Variants in CTSZ observed in about 807,000 individuals in gnomAD.
The protein encoded by CTSZ is carboxypeptidase LB.
A neutral mutation model predicts 32.4 loss-of-function variants in CTSZ; 39 were observed. The ratio of observed to expected loss-of-function variants is 1.20; its 90% CI spans 0.93 to 1.57. The LOEUF (loss-of-function observed/expected upper bound fraction) is 1.57, where lower values mean the gene tolerates loss of function less well. Among genes scored for constraint, CTSZ ranks in the 40% most tolerant of loss-of-function variants. The pLI is 0.00. For synonymous variants in CTSZ, 168 were observed against 170.1 expected (o/e 0.99, Z 0.10); for missense variants, 397 against 419.6 (o/e 0.95, Z 0.47).
At chr20:58,999,862 G>A (rs1419084363) in intron 3 of CTSZ, among the ~76,000 whole-genome samples, 3 of 152,118 alleles carry the variant, frequency 2.0e-5, no homozygotes, top group East Asian at 3.9e-4. Flanking sequence ...GAGGTCAGGA[G>A]ATCAAGACCA....
Position 58,997,808 on chromosome 20 carries a change from CAAAG to C in CTSZ, c.488-59_488-56del, listed in dbSNP as rs1040112511. ...GGCCGTCTCCTCATCAACCCACTGA[CAAAG>C]AAGCCCGCCAAGCCCACTCTCCACT... On this transcript the variant is annotated intron_variant, in intron 3 of 5. Coordinates refer to ENST00000217131, the MANE Select transcript of CTSZ (RefSeq NM_001336.4). The C allele has an allele frequency of 1.1e-4, 168 of 1,494,306 alleles. No homozygotes were observed. In the African/African-American group the frequency reaches 1.2e-3, roughly 11 times the overall value. 92.6% of individuals were successfully genotyped at this position (1,494,306 alleles called of 1,614,324 possible).
rs145264817 is a variant in CTSZ at position 58,997,584 on chromosome 20, C to A, written c.638+19G>T. 16 of 1,529,276 alleles carry A rather than the reference C, an allele frequency of 1.0e-5. No individual in the cohort carries two copies. Among genetic ancestry groups the A allele is most frequent in the Non-Finnish European group, 1.4e-5 (16 of 1,133,348 alleles). The allele number at this position is 1,529,276 out of a possible 1,614,324, so 94.7% of individuals were successfully genotyped here. On this transcript the variant is annotated intron_variant, in intron 4 of 5. Transcript: ENST00000217131. ...TCCTCACCCGCAAACCTCTCTTTGC[C>A]CGCGGGACCTCTCCTCACCTGATGG... is the stretch of plus-strand genomic sequence containing the variant.
At chr20:59,006,935 C>T (rs1051635744) in intron 1 of CTSZ, 51 bp downstream of exon 1, 39 of 1,347,556 alleles carry the variant, frequency 2.9e-5, no homozygotes, top group African/African-American at 3.1e-5. Context: ...GCGCCTGGCC[C>T]GGGCGATGGG....
intron 4 of CTSZ, among the ~76,000 whole-genome samples, chr20:58,997,161 CAAAA>C (rs10582096): frequency 1.0e-3 from 105 of 105,400 alleles, no homozygotes; most frequent in Middle Eastern, 5.5e-3. Flanking sequence ...GACTGTGTTT[CAAAA>C]AAAAAAAAAA....
At position 59,006,474 on chromosome 20, in the gene CTSZ, CG is replaced by C. The variant is rs774331858; in HGVS notation, c.154del (p.Arg52GlyfsTer151). On this transcript the variant is annotated frameshift_variant, in exon 2 of 6. Transcript: ENST00000217131. LOFTEE classifies it high-confidence loss of function. Reference protein sequence around the residue: ...LAPLGRSTYPRPHEYLSPADL... With the variant: ...LAPLGRSTYPXPHEYLSPADL... Reference sequence around the variant, plus strand: ...CGCTGGGGACAGGTACTCATGAGGCCGGGGGTATGTGCTGAGAAGAGATCAT... The same window carrying C: ...CGCTGGGGACAGGTACTCATGAGGCCGGGGTATGTGCTGAGAAGAGATCAT... The C allele has an allele frequency of 1.9e-5, 30 of 1,612,670 alleles. No individual in the cohort carries two copies. In the South Asian group the frequency reaches 2.9e-4, roughly 15 times the overall value.
At chr20:59,005,726 G>T (rs2091906302) in intron 2 of CTSZ, among the ~76,000 whole-genome samples, 1 of 152,166 alleles carries the variant, frequency 6.6e-6, no homozygotes, top group Non-Finnish European at 1.5e-5. Context: ...GTGGGCCTGG[G>T]GCTGGTTTGC....
chr20:59,005,566 A>G lies in CTSZ; in HGVS notation c.307+756T>C, dbSNP rs2091905761. Among the ~76,000 whole-genome samples the G allele has an allele frequency of 2.0e-5, 3 of 152,164 alleles. No individual in the cohort carries two copies. In the South Asian group the frequency reaches 6.2e-4, roughly 32 times the overall value. ...TGTACAGCAGGCCTGACCCATGAGG[A>G]CCAAGGCCAGGGAAGAGGCAACAGC... On this transcript the variant is annotated intron_variant, in intron 2 of 5. Transcript: ENST00000217131.
chr20:58,998,931 AAGTGCCC>A (rs2091875188), intron 3 of CTSZ, among the ~76,000 whole-genome samples: 1 of 152,238 alleles, frequency 6.6e-6, no homozygotes, highest in Admixed American at 6.5e-5. Flanking sequence ...CTTGCACACC[AAGTGCCC>A]AGTGCCCAGT....
intron 3 of CTSZ, among the ~76,000 whole-genome samples, chr20:58,999,866 A>G (rs1414037636): frequency 2.6e-5 from 4 of 151,518 alleles, no homozygotes; most frequent in Non-Finnish European, 5.9e-5. Context: ...TCAGGAGATC[A>G]AGACCATCCT....
In CTSZ at chr20:59,001,649, A is replaced by T; in HGVS notation, c.308-5T>A. 6.2e-7 allele frequency: 1 copy of T among 1,612,072 alleles called. No individual in the cohort carries two copies. The highest frequency in any genetic ancestry group is 8.5e-7 in the Non-Finnish European group (1 of 1,178,686). ...TCCTCTTGATGTTGATCCGATCTGC[A>T]ACAGTCAGCACCTGCCAGTCAGCAC... On this transcript the variant is annotated splice_polypyrimidine_tract_variant and splice_region_variant and intron_variant, in intron 2 of 5. Coordinates refer to ENST00000217131, the MANE Select transcript of CTSZ (RefSeq NM_001336.4).
chr20:58,997,526 A>G (rs1601223380), intron 4 of CTSZ, 77 bp downstream of exon 4: 3 of 1,398,004 alleles, frequency 2.1e-6, no homozygotes, highest in Admixed American at 5.2e-5. Flanking sequence ...ATCTCTCCTC[A>G]CCCGCGGGAC....
intron 2 of CTSZ, among the ~76,000 whole-genome samples, chr20:59,004,000 C>T (rs907431390): frequency 5.9e-5 from 9 of 152,084 alleles, no homozygotes; most frequent in Admixed American, 5.9e-4. Context: ...CTGGAGGAGG[C>T]GGTGGGCGGT....
chr20:59,005,249 G>A (rs2091904609), intron 2 of CTSZ, among the ~76,000 whole-genome samples: 1 of 152,098 alleles, frequency 6.6e-6, no homozygotes, highest in Non-Finnish European at 1.5e-5. Flanking sequence ...GCTTCAGCTG[G>A]CTGGCTCTGG....
intron 5 of CTSZ, 29 bp downstream of exon 5, chr20:58,996,610 A>G (rs1388400696): frequency 5.0e-6 from 8 of 1,612,454 alleles, no homozygotes; most frequent in Non-Finnish European, 5.9e-6. Context: ...TTTTCTAGGA[A>G]TGACCTTAAG....
intron 3 of CTSZ, among the ~76,000 whole-genome samples, chr20:58,998,279 G>A (rs942600966): frequency 6.6e-5 from 10 of 152,208 alleles, no homozygotes; most frequent in African/African-American, 2.4e-4. Flanking sequence ...AGGGCCAGGC[G>A]CCTGTAATCC....
intron 3 of CTSZ, among the ~76,000 whole-genome samples, chr20:58,998,681 G>A (rs2091873715): frequency 6.6e-6 from 1 of 152,114 alleles, no homozygotes; most frequent in South Asian, 2.1e-4. Context: ...AACAGAGCGA[G>A]ACCTCATCTC....
intron 4 of CTSZ, among the ~76,000 whole-genome samples, chr20:58,997,161 C>CAA (rs10582096): frequency 5.9e-4 from 62 of 105,382 alleles, no homozygotes; most frequent in South Asian, 1.6e-3. Context: ...GACTGTGTTT[C>CAA]AAAAAAAAAA....
At chr20:59,000,100 G>A (rs186255190) in intron 3 of CTSZ, among the ~76,000 whole-genome samples, 22 of 151,102 alleles carry the variant, frequency 1.5e-4, no homozygotes, top group Admixed American at 2.6e-4. Context: ...AGTTATGGCC[G>A]GGCGCAGCAG....
rs1448108029 is a variant in CTSZ at position 58,996,687 on chromosome 20, A to G, written c.753T>C (p.Ser251=). ...HVVSVAGWGI[S]DGTEYWIVRN... Reference sequence around the variant, plus strand: ...GGACAATCCAGTACTCAGTCCCATCACTGATGCCCCACCCAGCCACAGAAA... The same window carrying G: ...GGACAATCCAGTACTCAGTCCCATCGCTGATGCCCCACCCAGCCACAGAAA... Residue 251 remains serine, a synonymous_variant, in exon 5 of 6, where the codon AGT becomes AGC. Coordinates refer to ENST00000217131, the MANE Select transcript of CTSZ (RefSeq NM_001336.4). 4 of 1,614,042 alleles carry G rather than the reference A, an allele frequency of 2.5e-6. No individual in the cohort carries two copies. The highest frequency in any genetic ancestry group is 1.7e-5 in the Admixed American group (1 of 60,008).
Sources: allele counts gnomAD v4.1 joint callset (sites outside exome capture counted in the v4.1 genomes callset), GRCh38; gene constraint gnomAD v4.1.1; transcripts MANE v1.5; gene names NCBI Gene and HGNC (gene_info 2026-07-23, HGNC 2026-07-21).